AUTS2: variants seen among roughly 807,000 people sequenced by gnomAD.
The protein encoded by AUTS2 is autism susceptibility gene 2 protein.
Under a neutral mutation model 112.4 loss-of-function variants are expected in AUTS2, and 17 were observed. The observed-to-expected ratio is 0.15, with a 90% CI of 0.10 to 0.23. The LOEUF is 0.23. AUTS2 is among the 10% of genes least tolerant of loss of function. The pLI, the probability that AUTS2 is intolerant of heterozygous loss-of-function variation, is 1.00. For missense variants in AUTS2, 1,510 were observed against 1,701.6 expected (o/e 0.89, Z 1.98); for synonymous variants, 751 against 702.7 (o/e 1.07, Z -1.09).
At chr7:70,569,037 T>C (rs1346442420) in intron 5 of AUTS2, among the ~76,000 whole-genome samples, 1 of 152,210 alleles carries the variant, frequency 6.6e-6, no homozygotes, top group Non-Finnish European at 1.5e-5. Context: ...AGCCGTGCTA[T>C]CAGCATGGTC....
At chr7:70,395,732 A>T (rs1794051021) in intron 4 of AUTS2, among the ~76,000 whole-genome samples, 1 of 152,154 alleles carries the variant, frequency 6.6e-6, no homozygotes, top group Non-Finnish European at 1.5e-5. Context: ...ATAAACATGG[A>T]TTACAGGTTC....
intron 1 of AUTS2, among the ~76,000 whole-genome samples, chr7:69,897,651 G>C (rs149785437): frequency 6.6e-6 from 1 of 151,974 alleles, no homozygotes. Context: ...CCAGCTACTC[G>C]GGAGGCTGAG....
At chr7:69,993,828 A>C (rs981747680) in intron 2 of AUTS2, among the ~76,000 whole-genome samples, 1 of 152,140 alleles carries the variant, frequency 6.6e-6, no homozygotes, top group African/African-American at 2.4e-5. Context: ...TTCTACAGAT[A>C]GGGGAAGGTG....
At chr7:70,129,949 T>A (rs1806187013) in intron 3 of AUTS2, among the ~76,000 whole-genome samples, 1 of 151,940 alleles carries the variant, frequency 6.6e-6, no homozygotes, top group Admixed American at 6.6e-5. Flanking sequence ...CTATTAGTAA[T>A]CTTATCTCCA....
chr7:70,210,136 A>G (rs148616317), intron 4 of AUTS2, among the ~76,000 whole-genome samples: 176 of 152,240 alleles, frequency 1.2e-3, no homozygotes, highest in African/African-American at 4.0e-3. Flanking sequence ...TCCCCAGGGT[A>G]CTTGCATAGC....
chr7:70,703,632 A>C (rs983885783), intron 6 of AUTS2, among the ~76,000 whole-genome samples: 1 of 152,180 alleles, frequency 6.6e-6, no homozygotes, highest in Admixed American at 6.5e-5. Context: ...TATGGAGACC[A>C]TTTTACAATT....
intron 1 of AUTS2, among the ~76,000 whole-genome samples, chr7:69,672,655 T>G (rs1018912135): frequency 6.6e-6 from 1 of 152,172 alleles, no homozygotes; most frequent in Non-Finnish European, 1.5e-5. Flanking sequence ...ACAAATACTC[T>G]TTATCTCAGC....
At chr7:70,519,267 GT>G (rs1366138861) in intron 5 of AUTS2, among the ~76,000 whole-genome samples, 1 of 152,186 alleles carries the variant, frequency 6.6e-6, no homozygotes, top group Non-Finnish European at 1.5e-5. Flanking sequence ...TTAAAGGAAA[GT>G]TTCAGGTTTG....
intron 1 of AUTS2, among the ~76,000 whole-genome samples, chr7:69,654,614 G>T (rs138280373): frequency 6.6e-6 from 1 of 152,314 alleles, no homozygotes; most frequent in Non-Finnish European, 1.5e-5. Flanking sequence ...ATGCAATCAA[G>T]ATTCAAACTA....
chr7:70,279,053 TAATG>T (rs1788078172), intron 4 of AUTS2, among the ~76,000 whole-genome samples: 1 of 152,248 alleles, frequency 6.6e-6, no homozygotes, highest in Non-Finnish European at 1.5e-5. Flanking sequence ...ATATTTATAA[TAATG>T]CATTTAATTT....
At chr7:69,796,146 G>A (rs1009430175) in intron 1 of AUTS2, among the ~76,000 whole-genome samples, 1 of 152,106 alleles carries the variant, frequency 6.6e-6, no homozygotes, top group Non-Finnish European at 1.5e-5. Flanking sequence ...GTTCCTTTTC[G>A]CATCTTCAGC....
chr7:70,276,062 T>C (rs1419767872), intron 4 of AUTS2, among the ~76,000 whole-genome samples: 1 of 152,230 alleles, frequency 6.6e-6, no homozygotes, highest in Non-Finnish European at 1.5e-5. Context: ...TTCCTCTGTT[T>C]CAGTTTCAGA....
intron 5 of AUTS2, among the ~76,000 whole-genome samples, chr7:70,453,154 C>T (rs1796598993): frequency 6.6e-6 from 1 of 152,120 alleles, no homozygotes; most frequent in Non-Finnish European, 1.5e-5. Context: ...ATAAGGGCAC[C>T]ATGGGTCCCC....
At position 70,764,775 on chromosome 7, in the gene AUTS2, C is replaced by G. The variant is rs1385753360; in HGVS notation, c.1238C>G (p.Ala413Gly). 1.3e-6 allele frequency: 1 copy of G among 781,288 alleles called. No homozygotes were observed. 48.4% of individuals were successfully genotyped at this position (781,288 alleles called of 1,614,324 possible). A position where few individuals can be genotyped will look rare whatever the true frequency, so the allele number is the denominator to read the frequency against. ...SLSSSRSSTPAKTQPAPPHIS... is the reference protein window; with the variant it reads ...SLSSSRSSTPGKTQPAPPHIS... The stretch of plus-strand genomic sequence containing the variant: ...AGCAGCAGCAGAAGCAGCACTCCAG[C>G]GAAGACTCAGCCCGCCCCACCTCAC... The change falls in exon 8 of 19, where the codon GCG becomes GGG. Residue 413 changes from alanine to glycine, a missense_variant. By Grantham distance (60) the Ala-to-Gly change is moderately conservative. This residue lies in a region of AUTS2 where 535 missense variants were observed against 594.3 expected (regional missense o/e 0.90). Coordinates refer to ENST00000342771, the MANE Select transcript of AUTS2 (RefSeq NM_015570.4).
At position 70,790,363 on chromosome 7, in the gene AUTS2, C is replaced by T; in HGVS notation, c.3147C>T (p.Phe1049=). 1.9e-6 allele frequency: 3 copies of T among 1,613,926 alleles called. No homozygotes were observed. The highest frequency in any genetic ancestry group is 2.5e-6 in the Non-Finnish European group (3 of 1,180,016). ...SLDRTRMMTP[F]MGISPLPGGE... ...ACAGGACTCGCATGATGACCCCCTTCATGGGCATCAGCCCCCTCCCGGGCG... is the reference window on the plus strand; with the variant it reads ...ACAGGACTCGCATGATGACCCCCTTTATGGGCATCAGCCCCCTCCCGGGCG... The change falls in exon 19 of 19, where the codon TTC becomes TTT. Residue 1049 remains phenylalanine, a synonymous_variant. Transcript: ENST00000342771. This position sits in a 1 kb window ranked among gnomAD's most constrained non-coding sequence, Gnocchi z 7.6.
intron 1 of AUTS2, among the ~76,000 whole-genome samples, chr7:69,690,427 T>C (rs1339799287): frequency 6.6e-6 from 1 of 152,204 alleles, no homozygotes; most frequent in Non-Finnish European, 1.5e-5. Context: ...CCCACTCAGC[T>C]GGGCAGGCTG....
chr7:70,546,128 T>C (rs1800764443), intron 5 of AUTS2, among the ~76,000 whole-genome samples: 2 of 152,172 alleles, frequency 1.3e-5, no homozygotes, highest in Non-Finnish European at 2.9e-5. Context: ...TATAGATCAG[T>C]GAAAACACTG....
intron 2 of AUTS2, among the ~76,000 whole-genome samples, chr7:69,936,163 G>A (rs1796401635): frequency 6.6e-6 from 1 of 152,092 alleles, no homozygotes; most frequent in Non-Finnish European, 1.5e-5. Context: ...AGTAGTTACT[G>A]TTTCTTTCCC....
At position 70,764,883 on chromosome 7, in the gene AUTS2, A is replaced by G. The variant is rs1422934990; in HGVS notation, c.1346A>G (p.Gln449Arg). ...SPLHSFTPTL[Q>R]PPAHSHHPNM... ...CTGCACAGCTTCACACCCACCCTCC[A>G]GCCCCCCGCACACTCACATCACCCC... Residue 449 changes from glutamine to arginine, a missense_variant, in exon 8 of 19, where the codon CAG (glutamine) becomes CGG (arginine). Physicochemically the swap from Gln to Arg is conservative, Grantham distance 43. This residue lies in a region of AUTS2 where 535 missense variants were observed against 594.3 expected (regional missense o/e 0.90). Coordinates refer to ENST00000342771, the MANE Select transcript of AUTS2 (RefSeq NM_015570.4). The G allele has an allele frequency of 2.2e-6, 2 of 910,730 alleles. No individual in the cohort carries two copies. Among genetic ancestry groups the G allele is most frequent in the Admixed American group, 3.9e-5 (1 of 25,516 alleles). The allele number at this position is 910,730 out of a possible 1,614,324, so 56.4% of individuals were successfully genotyped here.
Sources: gnomAD v4.1 joint callset for allele counts (sites outside exome capture counted in the v4.1 genomes callset) on GRCh38, gnomAD v4.1.1 for gene constraint, gnomAD v4.1.1 regional missense constraint, Gnocchi (gnomAD v3.1) non-coding constraint, MANE v1.5 for transcripts, NCBI Gene and HGNC (gene_info 2026-07-23, HGNC 2026-07-21) for gene names.